MPO: variants seen among roughly 807,000 people sequenced by gnomAD.
MPO encodes the protein myeloperoxidase.
A neutral mutation model predicts 69.4 loss-of-function variants in MPO; 57 were observed. The observed-to-expected ratio is 0.82, with a 90% CI of 0.66 to 1.02. The LOEUF is 1.02. Among genes scored for constraint, MPO ranks in the 50% least tolerant of loss-of-function variants. The pLI, the probability that MPO is intolerant of heterozygous loss-of-function variation, is 0.00. For synonymous variants in MPO, 426 were observed against 417.1 expected (o/e 1.02, Z -0.26); for missense variants, 971 against 1,014.1 (o/e 0.96, Z 0.58).
chr17:58,272,804 A>G lies in MPO; in HGVS notation c.1736T>C (p.Ile579Thr), dbSNP rs779484560. ...GTTCAGAGCAGGCAGGTCCAGCCCA[A>G]TCCTCATGACCTGCTCAAACAATCG... ...RERLFEQVMR[I>T]GLDLPALNMQ... Residue 579 changes from isoleucine (I) to threonine (T), a missense_variant, in exon 10 of 12, where the codon ATT becomes ACT. By Grantham distance (89) the Ile-to-Thr change is moderately conservative. Coordinates refer to ENST00000225275, the MANE Select transcript of MPO (RefSeq NM_000250.2). 1.2e-6 allele frequency: 2 copies of G among 1,614,184 alleles called. No homozygotes were observed. The highest frequency in any genetic ancestry group is 1.7e-5 in the Admixed American group (1 of 60,032).
In MPO at chr17:58,279,347, G is replaced by A. The variant is rs773925570; in HGVS notation, c.628C>T (p.Pro210Ser). 6.9e-6 allele frequency: 11 copies of A among 1,584,052 alleles called. No homozygotes were observed. Residue 210 changes from proline (P) to serine (S), a missense_variant, in exon 5 of 12, where the codon CCC (proline) becomes TCC (serine). Coordinates refer to ENST00000225275, the MANE Select transcript of MPO (RefSeq NM_000250.2). The part of the protein sequence containing the change: ...PAEYEDGFSL[P>S]YGWTPGVKRN... ...TTGACCCCGGGCGTCCAGCCGTAGG[G>A]AAGAGAGAAGCCGTCCTCATACTCC...
chr17:58,276,693 G>A (rs1970442866), intron 7 of MPO, among the ~76,000 whole-genome samples: 1 of 152,210 alleles, frequency 6.6e-6, no homozygotes, highest in African/African-American at 2.4e-5. Context: ...CTTGCAGAAA[G>A]TCCGACCTGG....
chr17:58,279,047 C>A lies in MPO; in HGVS notation c.846G>T (p.Glu282Asp). The change falls in exon 6 of 12, where the codon GAG (glutamate) becomes GAT (aspartate). Residue 282 changes from glutamate (E) to aspartate (D), a missense_variant. Transcript: ENST00000225275. ...AGGGCGGCTGCTGAACGCAGCTGGT[C>A]TCGCAGTTGACGCCAGTGACGAAGG... ...RASFVTGVNC[E>D]TSCVQQPPCF... 1 of 1,612,556 alleles carries A rather than the reference C, an allele frequency of 6.2e-7. No homozygotes were observed. Among genetic ancestry groups the A allele is most frequent in the South Asian group, 1.1e-5 (1 of 90,868 alleles).
chr17:58,280,141 A>C (rs1262168792), intron 2 of MPO, 127 bp from the exon 3 acceptor site: 3 of 1,263,612 alleles, frequency 2.4e-6, no homozygotes, highest in African/African-American at 1.5e-5. Context: ...GCTTCCTTTT[A>C]TAAAAAGGAT....
chr17:58,271,180 C>T (rs2143965417), intron 11 of MPO, among the ~76,000 whole-genome samples: 1 of 152,318 alleles, frequency 6.6e-6, no homozygotes, highest in South Asian at 2.1e-4. Context: ...GCTGCATCCA[C>T]AGGAGTGGAA....
chr17:58,278,755 G>A lies in MPO; in HGVS notation c.885+253C>T, dbSNP rs987364276. ...ACCAACAGGACTCCTGTCAGCCAAG[G>A]AGGAACAACCCTCTCTCCCTTGGCC... On this transcript the variant is annotated intron_variant, in intron 6 of 11. Transcript: ENST00000225275. The A allele has an allele frequency of 4.6e-5, 27 of 590,016 alleles. No homozygotes were observed. In the Admixed American group the frequency reaches 7.4e-4, roughly 16 times the overall value. The allele number at this position is 590,016 out of a possible 1,614,324, so 36.5% of individuals were successfully genotyped here. A position where few individuals can be genotyped will look rare whatever the true frequency, so the allele number is the denominator to read the frequency against.
Position 58,279,034 on chromosome 17 carries a change from G to C in MPO, c.859C>G (p.Gln287Glu). The change falls in exon 6 of 12, where the codon CAG becomes GAG. Residue 287 changes from glutamine (Q) to glutamate (E), a missense_variant. Coordinates refer to ENST00000225275, the MANE Select transcript of MPO (RefSeq NM_000250.2). ...TTGAGCGGGAAGCAGGGCGGCTGCT[G>C]AACGCAGCTGGTCTCGCAGTTGACG... is the stretch of plus-strand genomic sequence containing the variant. ...TGVNCETSCV[Q>E]QPPCFPLKIP... 1 of 1,611,654 alleles carries C rather than the reference G, an allele frequency of 6.2e-7. No homozygotes were observed.
chr17:58,278,889 G>T, intron 6 of MPO, 119 bp downstream of exon 6: 1 of 1,222,342 alleles, frequency 8.2e-7, no homozygotes, highest in Non-Finnish European at 1.2e-6. Context: ...ACACAAGGGA[G>T]GCAGGGCCAG....
chr17:58,280,034 G>A lies in MPO; in HGVS notation c.249-20C>T. 6.2e-7 allele frequency: 1 copy of A among 1,611,184 alleles called. No individual in the cohort carries two copies. Among genetic ancestry groups the A allele is most frequent in the Non-Finnish European group, 8.5e-7 (1 of 1,180,000 alleles). On this transcript the variant is annotated intron_variant, in intron 2 of 11. Transcript: ENST00000225275. Reference sequence around the variant, plus strand: ...TTGATGCTGCTTGGAGAAAGGAGGAGTGAGGGCCAGAGAAGGGATACAGAC... The same window carrying A: ...TTGATGCTGCTTGGAGAAAGGAGGAATGAGGGCCAGAGAAGGGATACAGAC...
chr17:58,273,503 C>A lies in MPO; in HGVS notation c.1532G>T (p.Arg511Leu). ...CATGGGCTGGTACCGATTGTCCAGG[C>A]GGAACATGAAGGGTTGGATGAGGGT... is the stretch of plus-strand genomic sequence containing the variant. Reference protein sequence around the residue: ...GHTLIQPFMFRLDNRYQPMEP... With the variant: ...GHTLIQPFMFLLDNRYQPMEP... Residue 511 changes from arginine to leucine, a missense_variant, in exon 9 of 12, where the codon CGC (arginine) becomes CTC (leucine). Arg to Leu is a moderately radical substitution (Grantham distance 102). Transcript: ENST00000225275. 1.9e-6 allele frequency: 3 copies of A among 1,614,112 alleles called. No individual in the cohort carries two copies. The highest frequency in any genetic ancestry group is 2.5e-6 in the Non-Finnish European group (3 of 1,180,022).
At chr17:58,273,059 G>A in intron 9 of MPO, 141 bp from the exon 10 acceptor site, 2 of 1,069,998 alleles carry the variant, frequency 1.9e-6, no homozygotes, top group Non-Finnish European at 1.4e-6. Flanking sequence ...CCAAGGTGGT[G>A]GCCCCAGTGA....
At position 58,271,898 on chromosome 17, in the gene MPO, T is replaced by A. The variant is rs182401606; in HGVS notation, c.1793-6A>T. The A allele has an allele frequency of 6.2e-7, 1 of 1,613,748 alleles. No homozygotes were observed. The highest frequency in any genetic ancestry group is 1.3e-5 in the African/African-American group (1 of 75,028). On this transcript the variant is annotated splice_region_variant and splice_polypyrimidine_tract_variant and intron_variant, in intron 10 of 11. Coordinates refer to ENST00000225275, the MANE Select transcript of MPO (RefSeq NM_000250.2). ...GCGCCTCCAGGCATTGTATCCTGCATGGGGGAGGGGACAGGTGGCTATGGG... is the reference window on the plus strand; with the variant it reads ...GCGCCTCCAGGCATTGTATCCTGCAAGGGGGAGGGGACAGGTGGCTATGGG...
rs1970459696 is a variant in MPO, at chr17:58,277,948, C to T, written c.1083G>A (p.Gly361=). ...RNLRNMSNQL[G]LLAVNQRFQD... is the part of the protein sequence containing the mutation. ...GGAAGCGCTGGTTGACGGCCAGCAG[C>T]CCCAGCTGGTTGGACATGTTGCGCA... Residue 361 remains glycine, a synonymous_variant, in exon 7 of 12, where the codon GGG becomes GGA. Transcript: ENST00000225275. The T allele has an allele frequency of 6.2e-7, 1 of 1,613,358 alleles. No homozygotes were observed. The highest frequency in any genetic ancestry group is 1.1e-5 in the South Asian group (1 of 91,084).
At chr17:58,274,600 A>T (rs898923894) in intron 8 of MPO, among the ~76,000 whole-genome samples, 2 of 152,030 alleles carry the variant, frequency 1.3e-5, no homozygotes, top group Admixed American at 1.3e-4. Context: ...AGGGCGGATT[A>T]CTTGAGCCCA....
At chr17:58,271,096 C>T (rs543827200) in intron 11 of MPO, among the ~76,000 whole-genome samples, 9 of 152,304 alleles carry the variant, frequency 5.9e-5, no homozygotes, top group East Asian at 1.9e-4. Context: ...CCTAGCCCGG[C>T]GGCCTCCAGG....
At chr17:58,272,438 G>A (rs1970377454) in intron 10 of MPO, among the ~76,000 whole-genome samples, 1 of 152,178 alleles carries the variant, frequency 6.6e-6, no homozygotes, top group Non-Finnish European at 1.5e-5. Context: ...TCTTCCCCCA[G>A]AGTTAACGTA....
Position 58,275,703 on chromosome 17 carries a change from C to G in MPO, c.1205-1G>C. On this transcript the variant is annotated splice_acceptor_variant, in intron 7 of 11. Coordinates refer to ENST00000225275, the MANE Select transcript of MPO (RefSeq NM_000250.2). LOFTEE classifies it high-confidence loss of function. This position sits in a 1 kb window ranked among gnomAD's most constrained non-coding sequence, Gnocchi z 4.1. Reference sequence around the variant, plus strand: ...GGCATCTCACTGGAACGGGTGTCCCCTTGGGGAGGCAAAAGCCACTGTCAT... The same window carrying G: ...GGCATCTCACTGGAACGGGTGTCCCGTTGGGGAGGCAAAAGCCACTGTCAT... 2 of 1,614,186 alleles carry G rather than the reference C, an allele frequency of 1.2e-6. No individual in the cohort carries two copies. Among genetic ancestry groups the G allele is most frequent in the East Asian group, 4.5e-5 (2 of 44,888 alleles).
In MPO at chr17:58,273,446, A is replaced by T; in HGVS notation, c.1589T>A (p.Val530Asp). 1 of 1,613,998 alleles carries T rather than the reference A, an allele frequency of 6.2e-7. No individual in the cohort carries two copies. The highest frequency in any genetic ancestry group is 8.5e-7 in the Non-Finnish European group (1 of 1,180,006). ...EPNPRVPLSR[V>D]FFASWRVVLE... ...CACGACCCTCCAGGAGGCAAAAAAGACCCTGCTGAGGGGGACACGGGGGTT... is the reference window on the plus strand; with the variant it reads ...CACGACCCTCCAGGAGGCAAAAAAGTCCCTGCTGAGGGGGACACGGGGGTT... Residue 530 changes from valine (V) to aspartate (D), a missense_variant, in exon 9 of 12, where the codon GTC becomes GAC. By Grantham distance (152) the Val-to-Asp change is radical. Transcript: ENST00000225275.
Position 58,275,652 on chromosome 17 carries a change from A to T in MPO, c.1255T>A (p.Leu419Ile). The T allele has an allele frequency of 6.2e-7, 1 of 1,614,192 alleles. No individual in the cohort carries two copies. The highest frequency in any genetic ancestry group is 8.5e-7 in the Non-Finnish European group (1 of 1,180,040). ...GCCAGCCGGTTGTGCTCCCGAAGTA[A>T]GAGGGTGTGCATGGAGGTGAGCTCG... ...MPELTSMHTL[L>I]LREHNRLATE... Residue 419 changes from leucine (L) to isoleucine (I), a missense_variant, in exon 8 of 12, where the codon TTA becomes ATA. Transcript: ENST00000225275. This position sits in a 1 kb window ranked among gnomAD's most constrained non-coding sequence, Gnocchi z 4.1.
Sources: allele counts gnomAD v4.1 joint callset (sites outside exome capture counted in the v4.1 genomes callset), GRCh38; gene constraint gnomAD v4.1.1; non-coding constraint Gnocchi (gnomAD v3.1); transcripts MANE v1.5; gene names NCBI Gene and HGNC (gene_info 2026-07-23, HGNC 2026-07-21).